GDF1: variants seen among roughly 807,000 people sequenced by gnomAD.
GDF1 encodes the protein embryonic growth/differentiation factor 1.
A neutral mutation model predicts 7.4 loss-of-function variants in GDF1; 8 were observed. That is an observed-to-expected ratio of 1.09 (90% confidence interval 0.64 to 1.96). The LOEUF (loss-of-function observed/expected upper bound fraction) is 1.96. Ranked by LOEUF, GDF1 falls within the 30% of genes most tolerant of loss-of-function variation. The pLI is 0.00. For synonymous variants in GDF1, 311 were observed against 276.7 expected, an observed-to-expected ratio of 1.12 and a Z score of -1.23; for missense variants, 574 against 551.5, an observed-to-expected ratio of 1.04 and a Z score of -0.41.
At chr19:18,892,486 C>T (rs191258837) in intron 2 of GDF1, among the ~76,000 whole-genome samples, 2,057 of 151,964 alleles carry the variant, frequency 0.014, 43 homozygotes, top group African/African-American at 0.042. Context: ...TGGTGGCGGG[C>T]GCCTGTGGTC....
chr19:18,894,748 G>A (rs2056584085), intron 1 of GDF1, among the ~76,000 whole-genome samples: 1 of 152,156 alleles, frequency 6.6e-6, no homozygotes, highest in South Asian at 2.1e-4. Context: ...CCTCATGTGG[G>A]TGATATGGGG....
At chr19:18,890,869 A>G (rs1201791666) in intron 2 of GDF1, among the ~76,000 whole-genome samples, 1 of 151,500 alleles carries the variant, frequency 6.6e-6, no homozygotes, top group Non-Finnish European at 1.5e-5. Context: ...CATGCCTGTA[A>G]TCCTGACACT....
chr19:18,880,215 G>A lies in GDF1; in HGVS notation c.-571+59C>T, dbSNP rs2056169008. ...CCTGCCTGGTCCCGCCCCTTTTCTG[G>A]ACACACCCACCTCACCAGGCCACAC... On this transcript the variant is annotated intron_variant, in intron 4 of 7. Transcript: ENST00000247005. 5.4e-6 allele frequency: 8 copies of A among 1,473,330 alleles called. No homozygotes were observed. In the South Asian group the frequency reaches 1.1e-4, roughly 20 times the overall value. The allele number at this position is 1,473,330 out of a possible 1,614,324, so 91.3% of individuals were successfully genotyped here.
At chr19:18,894,022 C>T (rs1054861260) in intron 1 of GDF1, among the ~76,000 whole-genome samples, 2 of 150,952 alleles carry the variant, frequency 1.3e-5, no homozygotes, top group African/African-American at 2.4e-5. Flanking sequence ...GTGAGGAAGC[C>T]GCCCCCTCAG....
rs963148702 is a variant in GDF1 at position 18,895,148 on chromosome 19, G to A, written c.-1074+676C>T. Among the ~76,000 whole-genome samples the A allele has an allele frequency of 1.3e-5, 2 of 152,264 alleles. No individual in the cohort carries two copies. Among genetic ancestry groups the A allele is most frequent in the African/African-American group, 4.8e-5 (2 of 41,474 alleles). On this transcript the variant is annotated intron_variant, in intron 1 of 7. Coordinates refer to ENST00000247005, the MANE Select transcript of GDF1 (RefSeq NM_001492.6). This position sits in a 1 kb window ranked among gnomAD's most constrained non-coding sequence, Gnocchi z 6.4. ...TGTCACCTCCAAGGGAGCGACCACT[G>A]GCGTGGCCAGAGCACCCAGGCCCTT...
At chr19:18,880,208 T>C in intron 4 of GDF1, 66 bp downstream of exon 4, 6 of 1,351,144 alleles carry the variant, frequency 4.4e-6, no homozygotes, top group South Asian at 2.9e-5. Context: ...GTCCCGCCCC[T>C]TTTCTGGACA....
chr19:18,872,537 C>T (rs1414935680), intron 6 of GDF1, among the ~76,000 whole-genome samples: 23 of 143,388 alleles, frequency 1.6e-4, no homozygotes, highest in Middle Eastern at 3.9e-3. Flanking sequence ...TTTTTTGAGA[C>T]GAAGTCTCGC....
chr19:18,878,442 G>A lies in GDF1; in HGVS notation c.-313+488C>T, dbSNP rs188033775. 8 of 990,322 alleles carry A rather than the reference G, an allele frequency of 8.1e-6. No individual in the cohort carries two copies. In the African/African-American group the frequency reaches 1.4e-4, roughly 17 times the overall value. 61.3% of individuals were successfully genotyped at this position (990,322 alleles called of 1,614,324 possible). A position where few individuals can be genotyped will look rare whatever the true frequency, so the allele number is the denominator to read the frequency against. ...CCAGCCCCAGCTCCTGTTTGGCCGGGCAGTGGGCTCCCCTGTCAAACTCAG... is the reference window on the plus strand; with the variant it reads ...CCAGCCCCAGCTCCTGTTTGGCCGGACAGTGGGCTCCCCTGTCAAACTCAG... On this transcript the variant is annotated intron_variant, in intron 6 of 7. Coordinates refer to ENST00000247005, the MANE Select transcript of GDF1 (RefSeq NM_001492.6). This position sits in a 1 kb window ranked among gnomAD's most constrained non-coding sequence, Gnocchi z 4.6.
Position 18,895,800 on chromosome 19 carries a change from G to C in GDF1, c.-1074+24C>G. The C allele has an allele frequency of 8.3e-7, 1 of 1,202,648 alleles. No homozygotes were observed. 74.5% of individuals were successfully genotyped at this position (1,202,648 alleles called of 1,614,324 possible). ...GCTTCCCCCAGTCCGGGGTCCCCTC[G>C]TCCCGGCCCCCGGCCACACTGACCC... On this transcript the variant is annotated intron_variant, in intron 1 of 7. Transcript: ENST00000247005. This position sits in a 1 kb window ranked among gnomAD's most constrained non-coding sequence, Gnocchi z 6.4.
chr19:18,872,115 C>T (rs890568625), intron 6 of GDF1, among the ~76,000 whole-genome samples: 1 of 152,214 alleles, frequency 6.6e-6, no homozygotes, highest in African/African-American at 2.4e-5. Context: ...CCACTCAGTT[C>T]CCACAGAGAG....
intron 2 of GDF1, among the ~76,000 whole-genome samples, chr19:18,889,208 C>T (rs916551995): frequency 2.0e-5 from 3 of 151,948 alleles, no homozygotes; most frequent in African/African-American, 7.3e-5. Flanking sequence ...AGCCCTCTTC[C>T]AGAATTTCAA....
At chr19:18,888,463 A>G (rs2056412559) in intron 2 of GDF1, among the ~76,000 whole-genome samples, 2 of 140,052 alleles carry the variant, frequency 1.4e-5, no homozygotes, top group African/African-American at 5.3e-5. Context: ...GGTTCCAGTG[A>G]GCTGAGATCA....
intron 3 of GDF1, among the ~76,000 whole-genome samples, chr19:18,883,708 C>A (rs2056273018): frequency 6.6e-6 from 1 of 152,174 alleles, no homozygotes; most frequent in Non-Finnish European, 1.5e-5. Flanking sequence ...GGTGTGTCAG[C>A]TGCGTTCACA....
rs186889230 is a variant in GDF1, at chr19:18,893,531, C to T, written c.-1029G>A. ...GAAACTTCCAAGCGCTCTCGGGCAT[C>T]TTGGCGGCATCTCTGGGCTGGAGGC... On this transcript the variant is annotated 5_prime_UTR_variant, in exon 2 of 8. Coordinates refer to ENST00000247005, the MANE Select transcript of GDF1 (RefSeq NM_001492.6). 18 of 1,610,928 alleles carry T rather than the reference C, an allele frequency of 1.1e-5. No homozygotes were observed. In the African/African-American group the frequency reaches 2.1e-4, roughly 19 times the overall value.
chr19:18,886,693 T>C (rs1222574116), intron 2 of GDF1, among the ~76,000 whole-genome samples: 1 of 152,136 alleles, frequency 6.6e-6, no homozygotes, highest in Non-Finnish European at 1.5e-5. Context: ...AGACAGACCC[T>C]CCAGCCTCCA....
chr19:18,869,475 A>G, intron 7 of GDF1, 85 bp from the exon 8 acceptor site: 1 of 1,472,194 alleles, frequency 6.8e-7, no homozygotes, highest in Non-Finnish European at 9.0e-7. Context: ...GAGGAAGGTG[A>G]ACGCTGGGGC....
chr19:18,895,815 C>A lies in GDF1; in HGVS notation c.-1074+9G>T. The A allele has an allele frequency of 8.0e-7, 1 of 1,251,814 alleles. No individual in the cohort carries two copies. Among genetic ancestry groups the A allele is most frequent in the Non-Finnish European group, 1.0e-6 (1 of 993,264 alleles). The allele number at this position is 1,251,814 out of a possible 1,614,324, so 77.5% of individuals were successfully genotyped here. On this transcript the variant is annotated intron_variant, in intron 1 of 7. Transcript: ENST00000247005. The surrounding 1 kb of genome is among the most constrained non-coding windows in gnomAD (Gnocchi z 6.4). ...GGGTCCCCTCGTCCCGGCCCCCGGCCACACTGACCCGAAAGAGGCGCGCAG... is the reference window on the plus strand; with the variant it reads ...GGGTCCCCTCGTCCCGGCCCCCGGCAACACTGACCCGAAAGAGGCGCGCAG...
In GDF1 at chr19:18,895,462, CGG is replaced by C. The variant is rs1352320633; in HGVS notation, c.-1074+360_-1074+361del. Among the ~76,000 whole-genome samples the C allele has an allele frequency of 6.6e-6, 1 of 151,240 alleles. No homozygotes were observed. Among genetic ancestry groups the C allele is most frequent in the Admixed American group, 6.6e-5 (1 of 15,230 alleles). ...GCGGTGGCCGGAGCCATCCACCGCG[CGG>C]GGCCCCCTGGTCCCAAACTGACCGG... On this transcript the variant is annotated intron_variant, in intron 1 of 7. Coordinates refer to ENST00000247005, the MANE Select transcript of GDF1 (RefSeq NM_001492.6). The surrounding 1 kb of genome is among the most constrained non-coding windows in gnomAD (Gnocchi z 6.4).
chr19:18,869,978 C>T lies in GDF1; in HGVS notation c.325+5G>A. 6.3e-7 allele frequency: 1 copy of T among 1,583,946 alleles called. No individual in the cohort carries two copies. Among genetic ancestry groups the T allele is most frequent in the Non-Finnish European group, 8.6e-7 (1 of 1,166,764 alleles). Reference sequence around the variant, plus strand: ...ACCAGTGTCCCCAGCGAAAGCCCCACTCACCGCGGTCCGGGATGTGGCGCA... The same window carrying T: ...ACCAGTGTCCCCAGCGAAAGCCCCATTCACCGCGGTCCGGGATGTGGCGCA... On this transcript the variant is annotated splice_donor_5th_base_variant and intron_variant, in intron 7 of 7. Transcript: ENST00000247005.
Sources: allele counts gnomAD v4.1 joint callset (sites outside exome capture counted in the v4.1 genomes callset), GRCh38; gene constraint gnomAD v4.1.1; non-coding constraint Gnocchi (gnomAD v3.1); transcripts MANE v1.5; gene names NCBI Gene and HGNC (gene_info 2026-07-23, HGNC 2026-07-21).